The following DNAH8 variants were observed in gnomAD, a reference collection of about 807,000 sequenced individuals.
The protein encoded by DNAH8 is axonemal beta dynein heavy chain 8.
DNAH8 carries 382 observed loss-of-function variants against 562.1 expected under a neutral mutation model. The observed-to-expected ratio is 0.68, with a 90% CI of 0.63 to 0.74. DNAH8 has a LOEUF of 0.74. DNAH8 is among the 30% of genes least tolerant of loss of function. The pLI is 0.00. For synonymous variants in DNAH8, 1,881 were observed against 1,919.4 expected, an observed-to-expected ratio of 0.98 and a Z score of 0.52; for missense variants, 5,203 against 5,620.4, an observed-to-expected ratio of 0.93 and a Z score of 2.37.
chr6:38,828,071 C>T (rs1773517161), intron 29 of DNAH8, 113 bp from the exon 30 acceptor site: 1 of 716,724 alleles, frequency 1.4e-6, no homozygotes, highest in Admixed American at 2.9e-5. Flanking sequence ...AACCACTTTT[C>T]TAGAACATGC....
At chr6:38,828,327 A>G (rs1335579007) in intron 30 of DNAH8, 39 bp downstream of exon 30, 2 of 1,251,356 alleles carry the variant, frequency 1.6e-6, no homozygotes, top group East Asian at 4.8e-5. Context: ...TTCTTAAGTC[A>G]CTATCTCCAG....
intron 62 of DNAH8, among the ~76,000 whole-genome samples, chr6:38,901,408 T>C (rs1419008210): frequency 1.3e-5 from 2 of 152,144 alleles, no homozygotes; most frequent in Non-Finnish European, 2.9e-5. Flanking sequence ...AATATTGATA[T>C]CCAGTTGATC....
intron 3 of DNAH8, among the ~76,000 whole-genome samples, chr6:38,726,113 A>G (rs1763195462): frequency 6.6e-6 from 1 of 152,210 alleles, no homozygotes; most frequent in Non-Finnish European, 1.5e-5. Context: ...TGTCCCGAGG[A>G]TCAGTCCTGC....
intron 26 of DNAH8, among the ~76,000 whole-genome samples, chr6:38,819,426 A>G (rs916001914): frequency 1.2e-4 from 18 of 151,986 alleles, no homozygotes; most frequent in East Asian, 1.9e-4. Flanking sequence ...TTTAATATAC[A>G]TTTTACCTAT....
chr6:38,756,783 T>C (rs551379594), intron 10 of DNAH8, among the ~76,000 whole-genome samples: 77 of 151,900 alleles, frequency 5.1e-4, no homozygotes, highest in African/African-American at 1.7e-3. Flanking sequence ...TGTTTTTTTG[T>C]CCTTGCGATA....
chr6:38,730,405 G>A lies in DNAH8; in HGVS notation c.610+419G>A, dbSNP rs144172672. On this transcript the variant is annotated intron_variant, in intron 4 of 92. Transcript: ENST00000327475. ...CTTGGAATAGCTGGTTTTCCCTACT[G>A]TGCATATTATGCCTGAACTAATTAA... 2.6e-4 allele frequency among the ~76,000 whole-genome samples: 39 copies of A among 152,252 alleles called. 1 individual carries two copies. The highest frequency in any genetic ancestry group is 6.8e-3 in the Middle Eastern group (2 of 294).
Position 38,723,053 on chromosome 6 carries a change from A to C in DNAH8, c.244A>C (p.Asn82His). 1 of 1,612,892 alleles carries C rather than the reference A, an allele frequency of 6.2e-7. No homozygotes were observed. Among genetic ancestry groups the C allele is most frequent in the Non-Finnish European group, 8.5e-7 (1 of 1,179,904 alleles). ...VLPDDHEADLNRVRQRLAPRP... is the reference protein window; with the variant it reads ...VLPDDHEADLHRVRQRLAPRP... ...TCCAGATGATCATGAAGCGGATCTG[A>C]ATAGAGTTCGACAGAGGCTTGCACC... is the stretch of plus-strand genomic sequence containing the variant. The change falls in exon 2 of 93, where the codon AAT becomes CAT. Residue 82 changes from asparagine to histidine, a missense_variant. Asn to His is a moderately conservative substitution (Grantham distance 68, BLOSUM62 1). Coordinates refer to ENST00000327475, the MANE Select transcript of DNAH8 (RefSeq NM_001206927.2).
At chr6:38,997,304 A>C (rs1765197795) in intron 88 of DNAH8, among the ~76,000 whole-genome samples, 1 of 152,006 alleles carries the variant, frequency 6.6e-6, no homozygotes, top group Non-Finnish European at 1.5e-5. Context: ...CTGTTCCCCC[A>C]CCGGCCACCA....
chr6:38,759,683 T>TGATATCTGATGACTCTA (rs1766303248), intron 10 of DNAH8, among the ~76,000 whole-genome samples: 1 of 152,288 alleles, frequency 6.6e-6, no homozygotes, highest in South Asian at 2.1e-4. Flanking sequence ...CCCCCATTCT[T>TGATATCTGATGACTCTA]GATATCTGAT....
intron 31 of DNAH8, among the ~76,000 whole-genome samples, chr6:38,833,583 TA>T (rs1174698573): frequency 1.3e-5 from 2 of 152,200 alleles, no homozygotes; most frequent in Non-Finnish European, 2.9e-5. Flanking sequence ...ACAGCTTAAC[TA>T]ATCAGAAGCC....
chr6:38,897,759 T>C (rs1208689618), intron 60 of DNAH8, among the ~76,000 whole-genome samples: 1 of 151,958 alleles, frequency 6.6e-6, no homozygotes, highest in Admixed American at 6.6e-5. Flanking sequence ...CCAGTCCGGG[T>C]GACAGAGTAC....
chr6:38,724,218 T>A (rs555079812), intron 3 of DNAH8, among the ~76,000 whole-genome samples: 1 of 152,180 alleles, frequency 6.6e-6, no homozygotes, highest in African/African-American at 2.4e-5. Flanking sequence ...CTTGACCTCG[T>A]GATCTGCCCA....
chr6:38,751,265 G>A (rs1380777651), intron 9 of DNAH8, among the ~76,000 whole-genome samples: 3 of 152,232 alleles, frequency 2.0e-5, no homozygotes, highest in African/African-American at 4.8e-5. Context: ...TTCCCTTGGA[G>A]TGAGTGTTCC....
intron 92 of DNAH8, 133 bp downstream of exon 92, chr6:39,026,800 C>T (rs1229325557): frequency 9.5e-6 from 8 of 843,322 alleles, no homozygotes; most frequent in Non-Finnish European, 1.5e-5. Context: ...CCATCATAGC[C>T]AGAAGACATC....
rs862439 is a variant in DNAH8, at chr6:38,914,118, G to A, written c.9963+166G>A. 0.94 allele frequency among the ~76,000 whole-genome samples: 142,855 copies of A among 152,254 alleles called. 67,151 individuals are homozygous for A. Among genetic ancestry groups the A allele is most frequent in the African/African-American group, 0.98 (40,876 of 41,570 alleles). ...ACATTTTTGTTTAACTTATACCAGC[G>A]TATACCTGAACTATTAATTTTGCTA... On this transcript the variant is annotated intron_variant, in intron 67 of 92. Coordinates refer to ENST00000327475, the MANE Select transcript of DNAH8 (RefSeq NM_001206927.2).
At chr6:38,790,788 A>C (rs1020500732) in intron 20 of DNAH8, among the ~76,000 whole-genome samples, 2 of 151,456 alleles carry the variant, frequency 1.3e-5, no homozygotes, top group Non-Finnish European at 2.9e-5. Flanking sequence ...ATGCCATTGC[A>C]CTCCAACCTG....
At chr6:39,013,656 A>G (rs1471766995) in intron 91 of DNAH8, among the ~76,000 whole-genome samples, 1 of 152,172 alleles carries the variant, frequency 6.6e-6, no homozygotes, top group Admixed American at 6.5e-5. Context: ...GTTTAAGACC[A>G]GTGGGGCAAC....
At chr6:38,896,543 C>G (rs1779700570) in intron 60 of DNAH8, among the ~76,000 whole-genome samples, 1 of 151,854 alleles carries the variant, frequency 6.6e-6, no homozygotes, top group African/African-American at 2.4e-5. Flanking sequence ...TCACTGCACT[C>G]TAGCCTGGGT....
At chr6:38,814,511 G>A (rs1772073382) in intron 25 of DNAH8, among the ~76,000 whole-genome samples, 1 of 152,010 alleles carries the variant, frequency 6.6e-6, no homozygotes, top group Non-Finnish European at 1.5e-5. Context: ...AACCTGGGAG[G>A]TGGAGGTTGC....
Sources: allele counts gnomAD v4.1 joint callset (sites outside exome capture counted in the v4.1 genomes callset), GRCh38; gene constraint gnomAD v4.1.1; transcripts MANE v1.5; gene names NCBI Gene and HGNC (gene_info 2026-07-23, HGNC 2026-07-21).